The following HOXC6 variants were observed in gnomAD, a reference collection of about 807,000 sequenced individuals.
HOXC6 encodes the protein homeobox C6.
HOXC6 carries 10 observed loss-of-function variants against 24.0 expected under a neutral mutation model. The ratio of observed to expected loss-of-function variants is 0.42; its 90% CI spans 0.26 to 0.71. The LOEUF is 0.71. Ranked by LOEUF, HOXC6 falls within the 30% of genes least tolerant of loss-of-function variation. HOXC6 has a pLI of 0.28. For missense variants in HOXC6, 258 were observed against 303.4 expected (o/e 0.85, Z 1.11); for synonymous variants, 123 against 128.1 (o/e 0.96, Z 0.27).
chr12:54,023,930 C>G (rs1565737818), upstream of HOXC6, among the ~76,000 whole-genome samples: 1 of 152,132 alleles, frequency 6.6e-6, no homozygotes, highest in South Asian at 2.1e-4. Flanking sequence ...AGGCTCTTTG[C>G]GATCTGATCC....
chr12:54,026,847 ATTG>A (rs1264142632), upstream of HOXC6, among the ~76,000 whole-genome samples: 2 of 151,946 alleles, frequency 1.3e-5, no homozygotes, highest in Non-Finnish European at 2.9e-5. Flanking sequence ...TTATGGCTTT[ATTG>A]CTACCCATTG....
rs766957178 is a variant in HOXC6, at chr12:54,028,609, G to A, written c.88G>A (p.Ala30Thr). 3.1e-6 allele frequency: 5 copies of A among 1,613,956 alleles called. No homozygotes were observed. The highest frequency in any genetic ancestry group is 4.5e-5 in the East Asian group (2 of 44,872). The change falls in exon 1 of 2, where the codon GCC becomes ACC. Residue 30 changes from alanine to threonine, a missense_variant. Ala to Thr is a moderately conservative substitution (Grantham distance 58, BLOSUM62 0). Coordinates refer to ENST00000243108, the MANE Select transcript of HOXC6 (RefSeq NM_004503.4). The stretch of plus-strand genomic sequence containing the variant: ...CCCCAACGTCGCCCTCAATTCCACC[G>A]CCTATGATCCAGTGAGGCATTTCTC... Reference protein sequence around the residue: ...VLPNVALNSTAYDPVRHFSTY... With the variant: ...VLPNVALNSTTYDPVRHFSTY...
intron 1 of HOXC6, chr12:54,020,135 G>A (rs759780603): frequency 1.3e-5 from 2 of 152,244 alleles, no homozygotes; most frequent in Non-Finnish European, 2.9e-5. Flanking sequence ...CTCCTTGCAG[G>A]CCACATTCCC....
chr12:54,024,480 A>T (rs1940600127), upstream of HOXC6, among the ~76,000 whole-genome samples: 1 of 152,304 alleles, frequency 6.6e-6, no homozygotes, highest in Admixed American at 6.5e-5. Flanking sequence ...GAGAGAGGAG[A>T]CAGGGAGAAC....
At chr12:54,024,686 A>T (rs1477475036), upstream of HOXC6, among the ~76,000 whole-genome samples, 2 of 151,564 alleles carry the variant, frequency 1.3e-5, no homozygotes, top group Admixed American at 1.3e-4. Flanking sequence ...TCCCCAGTTC[A>T]GAGCTCACAT....
At chr12:54,019,377 A>T (rs1184159465) in intron 1 of HOXC6, among the ~76,000 whole-genome samples, 1 of 152,160 alleles carries the variant, frequency 6.6e-6, no homozygotes, top group African/African-American at 2.4e-5. Flanking sequence ...AGCCTGCGGC[A>T]GGCCGGAACC....
upstream of HOXC6, among the ~76,000 whole-genome samples, chr12:54,026,931 A>C (rs1037935503): frequency 3.3e-4 from 48 of 147,684 alleles, no homozygotes; most frequent in African/African-American, 1.2e-3. Context: ...TGTTATAGCC[A>C]GCTTTCCCCC....
At chr12:54,024,615 G>A (rs894785783), upstream of HOXC6, among the ~76,000 whole-genome samples, 1 of 152,184 alleles carries the variant, frequency 6.6e-6, no homozygotes, top group Non-Finnish European at 1.5e-5. Context: ...GAAAGCAAAG[G>A]CCAGCAAGGT....
At chr12:54,024,172 C>T (rs999736775), upstream of HOXC6, among the ~76,000 whole-genome samples, 3 of 152,178 alleles carry the variant, frequency 2.0e-5, no homozygotes, top group South Asian at 4.1e-4. Context: ...TTTTAGCCCT[C>T]GCCCAGTGGC....
upstream of HOXC6, among the ~76,000 whole-genome samples, chr12:54,027,805 G>T (rs368652455): frequency 1.8e-3 from 278 of 152,228 alleles, 4 homozygotes; most frequent in South Asian, 0.055. Flanking sequence ...TGCCCCTTTA[G>T]ACCTAGTTGT....
chr12:54,029,411 G>GCCCC (rs1296757845), intron 1 of HOXC6, among the ~76,000 whole-genome samples: 20 of 76,916 alleles, frequency 2.6e-4, no homozygotes, highest in South Asian at 1.5e-3. Flanking sequence ...CCGCCCCCCC[G>GCCCC]CCCCCCCCCC....
intron 1 of HOXC6, among the ~76,000 whole-genome samples, chr12:54,019,685 G>A (rs1940341830): frequency 6.6e-6 from 1 of 152,144 alleles, no homozygotes; most frequent in Admixed American, 6.5e-5. Flanking sequence ...CACCCGAGGG[G>A]CGGGCCTGGG....
At chr12:54,029,498 A>T (rs1158215926) in intron 1 of HOXC6, 157 bp from the exon 2 acceptor site, 2 of 421,258 alleles carry the variant, frequency 4.7e-6, no homozygotes, top group Non-Finnish European at 7.7e-6. Context: ...CTGTACCCCC[A>T]GTGGGGGTGG....
Position 54,029,861 on chromosome 12 carries a change from A to G in HOXC6, c.607A>G (p.Thr203Ala). 1 of 1,612,902 alleles carries G rather than the reference A, an allele frequency of 6.2e-7. No homozygotes were observed. The highest frequency in any genetic ancestry group is 8.5e-7 in the Non-Finnish European group (1 of 1,179,312). ...RMKWKKESNL[T>A]STLSGGGGGA... is the part of the protein sequence containing the mutation. Reference sequence around the variant, plus strand: ...GAAGTGGAAAAAAGAATCTAATCTCACATCCACTCTCTCGGGGGGCGGCGG... The same window carrying G: ...GAAGTGGAAAAAAGAATCTAATCTCGCATCCACTCTCTCGGGGGGCGGCGG... The change falls in exon 2 of 2, where the codon ACA becomes GCA. Residue 203 changes from threonine (T) to alanine (A), a missense_variant. Transcript: ENST00000243108.
chr12:54,026,970 G>GA (rs1386982640), upstream of HOXC6, among the ~76,000 whole-genome samples: 1 of 138,060 alleles, frequency 7.2e-6, no homozygotes, highest in Non-Finnish European at 1.6e-5. Context: ...ATGGTGGGGG[G>GA]GGGGGGATAT....
chr12:54,028,989 A>T (rs1940859013), intron 1 of HOXC6, 68 bp downstream of exon 1: 1 of 1,471,716 alleles, frequency 6.8e-7, no homozygotes, highest in African/African-American at 1.4e-5. Flanking sequence ...CTTCCCTAGA[A>T]GAACGGGCGG....
chr12:54,028,246 C>CATAT (rs147627891), upstream of HOXC6: 1,610 of 149,350 alleles, frequency 0.011, 8 homozygotes, highest in South Asian at 0.017. Context: ...AGTTCCCTTA[C>CATAT]ATATATATAT....
upstream of HOXC6, among the ~76,000 whole-genome samples, chr12:54,027,008 C>T (rs2136432682): frequency 6.6e-6 from 1 of 152,216 alleles, no homozygotes; most frequent in South Asian, 2.1e-4. Flanking sequence ...CGCACACTCC[C>T]CACCACCCTT....
upstream of HOXC6, among the ~76,000 whole-genome samples, chr12:54,028,070 T>A (rs886416773): frequency 4.6e-5 from 7 of 151,998 alleles, no homozygotes; most frequent in African/African-American, 1.7e-4. Flanking sequence ...GGGGCAGATA[T>A]AAAACATGAA....
Sources: gnomAD v4.1 joint callset for allele counts (sites outside exome capture counted in the v4.1 genomes callset) on GRCh38, gnomAD v4.1.1 for gene constraint, MANE v1.5 for transcripts, NCBI Gene and HGNC (gene_info 2026-07-23, HGNC 2026-07-21) for gene names.